MAP3K13: variants seen among roughly 807,000 people sequenced by gnomAD.
MAP3K13 encodes mitogen-activated protein kinase kinase kinase 13.
Under a neutral mutation model 104.0 loss-of-function variants are expected in MAP3K13, and 52 were observed. The ratio of observed to expected loss-of-function variants is 0.50; its 90% CI spans 0.40 to 0.63. The LOEUF is 0.63. Ranked by LOEUF, MAP3K13 falls within the 20% of genes least tolerant of loss-of-function variation. MAP3K13 has a pLI of 0.00. For synonymous variants in MAP3K13, 394 were observed against 442.2 expected, an observed-to-expected ratio of 0.89 and a Z score of 1.37; for missense variants, 914 against 1,218.5, an observed-to-expected ratio of 0.75 and a Z score of 3.72.
intron 8 of MAP3K13, 123 bp downstream of exon 8, chr3:185,463,782 G>T: frequency 1.8e-6 from 1 of 569,044 alleles, no homozygotes; most frequent in South Asian, 2.9e-5. Context: ...TTATTGTTAT[G>T]CTCTTTAAAA....
intron 1 of MAP3K13, among the ~76,000 whole-genome samples, chr3:185,381,163 A>AT (rs1328184734): frequency 1.3e-5 from 2 of 152,024 alleles, no homozygotes; most frequent in Non-Finnish European, 2.9e-5. Flanking sequence ...GAGTTTCACC[A>AT]TGTTGGCCAG....
At chr3:185,410,356 A>G (rs911653294) in intron 1 of MAP3K13, among the ~76,000 whole-genome samples, 13 of 152,226 alleles carry the variant, frequency 8.5e-5, no homozygotes, top group Non-Finnish European at 1.5e-4. Context: ...GGGAGGATAG[A>G]CAGGGAGGGA....
At chr3:185,467,630 A>G (rs904128469) in intron 10 of MAP3K13, among the ~76,000 whole-genome samples, 1 of 152,046 alleles carries the variant, frequency 6.6e-6, no homozygotes, top group African/African-American at 2.4e-5. Flanking sequence ...TAAAAATACA[A>G]AAATTATCTG....
chr3:185,367,671 C>T (rs1417047057), intron 1 of MAP3K13, among the ~76,000 whole-genome samples: 1 of 152,002 alleles, frequency 6.6e-6, no homozygotes, highest in Non-Finnish European at 1.5e-5. Flanking sequence ...ATCACAGCTC[C>T]CTGCAGCCTC....
chr3:185,477,339 C>G lies in MAP3K13; in HGVS notation c.2444C>G (p.Ser815Cys). Residue 815 changes from serine (S) to cysteine (C), a missense_variant, in exon 12 of 14, where the codon TCC becomes TGC. Around this residue, in one of 3 missense-constraint regions of MAP3K13, gnomAD observed 583 missense variants for 737.4 expected, o/e 0.79. Coordinates refer to ENST00000265026, the MANE Select transcript of MAP3K13 (RefSeq NM_004721.5). ...TGTTCTCCTCAGAGTGGAGATGACT[C>G]CTCAGAAGAGGAAGAAGGGGAAGTA... is the stretch of plus-strand genomic sequence containing the variant. ...TRPLQKSGDDSSEEEEGEVDS... is the reference protein window; with the variant it reads ...TRPLQKSGDDCSEEEEGEVDS... The G allele has an allele frequency of 6.2e-7, 1 of 1,610,864 alleles. No homozygotes were observed. The highest frequency in any genetic ancestry group is 8.5e-7 in the Non-Finnish European group (1 of 1,177,108).
chr3:185,403,439 T>G (rs1186435981), intron 1 of MAP3K13, among the ~76,000 whole-genome samples: 1 of 152,242 alleles, frequency 6.6e-6, no homozygotes, highest in Non-Finnish European at 1.5e-5. Flanking sequence ...ATAGAATTTA[T>G]GGCTATAGTA....
At chr3:185,337,628 T>C (rs1722559195) in intron 2 of MAP3K13, among the ~76,000 whole-genome samples, 1 of 152,204 alleles carries the variant, frequency 6.6e-6, no homozygotes, top group Admixed American at 6.5e-5. Flanking sequence ...TATAGGGGGT[T>C]GTAGGAGGTG....
intron 2 of MAP3K13, among the ~76,000 whole-genome samples, chr3:185,298,803 A>G (rs1282435831): frequency 6.6e-6 from 1 of 151,148 alleles, no homozygotes. Context: ...TAGTGAGGAC[A>G]AAAAAAACAT....
intron 10 of MAP3K13, among the ~76,000 whole-genome samples, chr3:185,471,614 C>G (rs181569703): frequency 6.6e-6 from 1 of 151,934 alleles, no homozygotes; most frequent in Non-Finnish European, 1.5e-5. Flanking sequence ...CGCCCACCAC[C>G]ACGCCTGGCT....
At chr3:185,449,135 G>A (rs539628683) in intron 5 of MAP3K13, among the ~76,000 whole-genome samples, 10 of 152,192 alleles carry the variant, frequency 6.6e-5, no homozygotes, top group Middle Eastern at 3.4e-3. Context: ...ACTTTGGGAG[G>A]CCAAGGCGGG....
At chr3:185,344,883 A>AT (rs147866083) in intron 2 of MAP3K13, among the ~76,000 whole-genome samples, 28,202 of 149,146 alleles carry the variant, frequency 0.19, 3,125 homozygotes, top group East Asian at 0.32. Flanking sequence ...TAATCTCATA[A>AT]TTTATTTTTT....
chr3:185,452,499 A>T (rs1333657306), intron 7 of MAP3K13, among the ~76,000 whole-genome samples: 1 of 152,058 alleles, frequency 6.6e-6, no homozygotes, highest in Non-Finnish European at 1.5e-5. Flanking sequence ...GGCCTCCCAA[A>T]CTGCTGGGAT....
At position 185,371,033 on chromosome 3, in the gene MAP3K13, C is replaced by G. The variant is rs536130573; in HGVS notation, c.-86+7665C>G. On this transcript the variant is annotated intron_variant, in intron 1 of 13. Coordinates refer to ENST00000265026, the MANE Select transcript of MAP3K13 (RefSeq NM_004721.5). ...CTAAATTCATAAATATTATAACCAG[C>G]CTTTGTAAAAATAAGATATTATTCT... Among the ~76,000 whole-genome samples, 6 of 152,108 alleles carry G rather than the reference C, an allele frequency of 3.9e-5. No homozygotes were observed. In the South Asian group the frequency reaches 8.3e-4, roughly 21 times the overall value.
At position 185,455,380 on chromosome 3, in the gene MAP3K13, T is replaced by TGA. The variant is rs1438157621; in HGVS notation, c.1278+3986_1278+3987dup. Among the ~76,000 whole-genome samples, 405 of 89,062 alleles carry TGA rather than the reference T, an allele frequency of 4.5e-3. 70 individuals carry two copies. The highest frequency in any genetic ancestry group is 0.015 in the African/African-American group (365 of 24,120). 58.4% of individuals were successfully genotyped at this position (89,062 alleles called of 152,430 possible). On this transcript the variant is annotated intron_variant, in intron 7 of 13. Coordinates refer to ENST00000265026, the MANE Select transcript of MAP3K13 (RefSeq NM_004721.5). ...ATATATGAGATATATATGATATATA[T>TGA]GATATATATATCATATATGAGATAT...
At position 185,418,178 on chromosome 3, in the gene MAP3K13, G is replaced by A. The variant is rs1713902985; in HGVS notation, c.-85-10319G>A. 3.7e-6 allele frequency: 6 copies of A among 1,610,894 alleles called. No homozygotes were observed. Among genetic ancestry groups the A allele is most frequent in the Non-Finnish European group, 5.1e-6 (6 of 1,178,680 alleles). On this transcript the variant is annotated intron_variant, in intron 1 of 13. Transcript: ENST00000265026. This position sits in a 1 kb window ranked among gnomAD's most constrained non-coding sequence, Gnocchi z 4.5. Reference sequence around the variant, plus strand: ...ATGCACAGGCCCCTGCGCTGGATACGGCGACGGTTTCTCATTTTGCCTTTG... The same window carrying A: ...ATGCACAGGCCCCTGCGCTGGATACAGCGACGGTTTCTCATTTTGCCTTTG...
At chr3:185,291,785 C>A (rs1720749256) in intron 2 of MAP3K13, 3 of 1,396,690 alleles carry the variant, frequency 2.1e-6, no homozygotes, top group South Asian at 1.7e-5. Flanking sequence ...GGGCTAAAAT[C>A]CATTAATACA....
At chr3:185,385,762 GGA>G in intron 1 of MAP3K13, among the ~76,000 whole-genome samples, 1 of 146,420 alleles carries the variant, frequency 6.8e-6, no homozygotes, top group South Asian at 2.2e-4. Flanking sequence ...CAGCACTTTG[GGA>G]GGCCAAGGTG....
intron 1 of MAP3K13, among the ~76,000 whole-genome samples, chr3:185,398,771 A>G (rs73887885): frequency 0.04 from 6,136 of 152,266 alleles, 217 homozygotes; most frequent in East Asian, 0.19. Flanking sequence ...TATTCCTTGC[A>G]GATTATGTTG....
At position 185,315,679 on chromosome 3, in the gene MAP3K13, C is replaced by T. The variant is rs114362571; in HGVS notation, c.-86+30036C>T. Reference sequence around the variant, plus strand: ...ACTTAACAAATTTTGTTAGTGTACCCTATTGCAAATGGGATATTAACCACC... The same window carrying T: ...ACTTAACAAATTTTGTTAGTGTACCTTATTGCAAATGGGATATTAACCACC... On this transcript the variant is annotated intron_variant, in intron 2 of 14. Coordinates refer to the MAP3K13 transcript ENST00000424227. This position sits in a 1 kb window ranked among gnomAD's most constrained non-coding sequence, Gnocchi z 4.3. Among the ~76,000 whole-genome samples the T allele has an allele frequency of 5.4e-3, 829 of 152,242 alleles. 13 individuals carry two copies. Among genetic ancestry groups the T allele is most frequent in the African/African-American group, 0.019 (775 of 41,528 alleles).
Sources: allele counts gnomAD v4.1 joint callset (sites outside exome capture counted in the v4.1 genomes callset), GRCh38; gene constraint gnomAD v4.1.1; regional missense constraint gnomAD v4.1.1; non-coding constraint Gnocchi (gnomAD v3.1); transcripts MANE v1.5; gene names NCBI Gene and HGNC (gene_info 2026-07-23, HGNC 2026-07-21).